ZNF672: variants seen among roughly 807,000 people sequenced by gnomAD.
ZNF672 encodes zinc finger protein 672, also known as hypothetical protein FLJ22301.
For missense variants in ZNF672, 733 were observed against 701.1 expected (o/e 1.05, Z -0.51); for synonymous variants, 358 against 305.6 (o/e 1.17, Z -1.79).
At position 248,847,294 on chromosome 1, in the gene ZNF672, C is replaced by T. The variant is rs369878226; in HGVS notation, c.20C>T (p.Ala7Val). Residue 7 changes from alanine (A) to valine (V), a missense_variant, in exon 4 of 4, where the codon GCA becomes GTA. Physicochemically the swap from Ala to Val is moderately conservative, Grantham distance 64. Transcript: ENST00000306562. ...CTCACCATGTTTGCCACATCTGGGGCAGTGGCAGCGGGGAAGCCTTACTCG... is the reference window on the plus strand; with the variant it reads ...CTCACCATGTTTGCCACATCTGGGGTAGTGGCAGCGGGGAAGCCTTACTCG... MFATSG[A>V]VAAGKPYSCS... 101 of 1,602,298 alleles carry T rather than the reference C, an allele frequency of 6.3e-5. No homozygotes were observed. The highest frequency in any genetic ancestry group is 8.2e-5 in the Non-Finnish European group (96 of 1,170,018).
Position 248,847,469 on chromosome 1 carries a change from T to C in ZNF672, c.195T>C (p.Ala65=). 1 of 1,595,058 alleles carries C rather than the reference T, an allele frequency of 6.3e-7. No homozygotes were observed. The highest frequency in any genetic ancestry group is 8.5e-7 in the Non-Finnish European group (1 of 1,171,028). ...ADLRAHRRTH[A]GQTLYICSEC... is the part of the protein sequence containing the mutation. ...TCCGAGCGCACAGGCGCACGCATGC[T>C]GGCCAGACCCTCTACATCTGCAGTG... Residue 65 remains alanine, a synonymous_variant, in exon 4 of 4, where the codon GCT becomes GCC. Transcript: ENST00000306562.
At position 248,848,777 on chromosome 1, in the gene ZNF672, C is replaced by T; in HGVS notation, c.*144C>T. 8.2e-7 allele frequency: 1 copy of T among 1,220,910 alleles called. No individual in the cohort carries two copies. Among genetic ancestry groups the T allele is most frequent in the South Asian group, 1.4e-5 (1 of 69,506 alleles). The allele number at this position is 1,220,910 out of a possible 1,614,324, so 75.6% of individuals were successfully genotyped here. On this transcript the variant is annotated 3_prime_UTR_variant, in exon 4 of 4. Transcript: ENST00000306562. ...ACCTTTCCAGTTTCTGTTGGCAGCCCTTCACGTAGCCTCCTGCCTCGCCTC... is the reference window on the plus strand; with the variant it reads ...ACCTTTCCAGTTTCTGTTGGCAGCCTTTCACGTAGCCTCCTGCCTCGCCTC...
At chr1:248,847,004 A>G (rs572280680) in intron 3 of ZNF672, 48 bp from the exon 4 acceptor site, 2 of 478,742 alleles carry the variant, frequency 4.2e-6, no homozygotes, top group Non-Finnish European at 7.6e-6. Flanking sequence ...TCCCCTCTCC[A>G]TTCCTTAGGA....
rs1446851561 is a variant in ZNF672, at chr1:248,847,476, A to T, written c.202A>T (p.Thr68Ser). 1.3e-6 allele frequency: 2 copies of T among 1,595,578 alleles called. No individual in the cohort carries two copies. Among genetic ancestry groups the T allele is most frequent in the Non-Finnish European group, 1.7e-6 (2 of 1,171,304 alleles). Reference protein sequence around the residue: ...RAHRRTHAGQTLYICSECGQS... With the variant: ...RAHRRTHAGQSLYICSECGQS... Reference sequence around the variant, plus strand: ...GCACAGGCGCACGCATGCTGGCCAGACCCTCTACATCTGCAGTGAGTGCGG... The same window carrying T: ...GCACAGGCGCACGCATGCTGGCCAGTCCCTCTACATCTGCAGTGAGTGCGG... Residue 68 changes from threonine to serine, a missense_variant, in exon 4 of 4, where the codon ACC (threonine) becomes TCC (serine). Physicochemically the swap from Thr to Ser is moderately conservative, Grantham distance 58 (BLOSUM62 1). Coordinates refer to ENST00000306562, the MANE Select transcript of ZNF672 (RefSeq NM_024836.3).
Position 248,849,137 on chromosome 1 carries a change from T to C in ZNF672, c.*504T>C, listed in dbSNP as rs746744320. The stretch of plus-strand genomic sequence containing the variant: ...TTGACTCTTGGTTCCCTGTTAACTC[T>C]GTTTCTGAGAAATGTGGGTATGGAG... On this transcript the variant is annotated 3_prime_UTR_variant, in exon 4 of 4. Transcript: ENST00000306562. 2 of 468,478 alleles carry C rather than the reference T, an allele frequency of 4.3e-6. No homozygotes were observed. The highest frequency in any genetic ancestry group is 4.0e-5 in the African/African-American group (2 of 49,832). 29.0% of individuals were successfully genotyped at this position (468,478 alleles called of 1,614,324 possible). A position where few individuals can be genotyped will look rare whatever the true frequency, so the allele number is the denominator to read the frequency against.
chr1:248,839,094 G>A (rs1234723549), intron 1 of ZNF672: 1 of 152,250 alleles, frequency 6.6e-6, no homozygotes, highest in Non-Finnish European at 1.5e-5. Flanking sequence ...TCCGCATTCG[G>A]CGAATAGTTG....
chr1:248,848,310 A>G lies in ZNF672; in HGVS notation c.1036A>G (p.Lys346Glu). ...EKPYRCELCGKRFTCVSNLNV... is the reference protein window; with the variant it reads ...EKPYRCELCGERFTCVSNLNV... ...GCCCTACCGCTGCGAACTGTGCGGC[A>G]AGCGGTTCACGTGCGTGTCCAATCT... Residue 346 changes from lysine (K) to glutamate (E), a missense_variant, in exon 4 of 4, where the codon AAG becomes GAG. Coordinates refer to ENST00000306562, the MANE Select transcript of ZNF672 (RefSeq NM_024836.3). 6.2e-7 allele frequency: 1 copy of G among 1,602,330 alleles called. No individual in the cohort carries two copies. The highest frequency in any genetic ancestry group is 1.1e-5 in the South Asian group (1 of 91,072).
In ZNF672 at chr1:248,847,238, T is replaced by C. The variant is rs369353928; in HGVS notation, c.-37T>C. Reference sequence around the variant, plus strand: ...CAGCGTCAGGAGGTGGACCCCAGAGTGTGAGTGGCACGCTTCCCTGTGAAC... The same window carrying C: ...CAGCGTCAGGAGGTGGACCCCAGAGCGTGAGTGGCACGCTTCCCTGTGAAC... On this transcript the variant is annotated 5_prime_UTR_variant, in exon 4 of 4. Coordinates refer to ENST00000306562, the MANE Select transcript of ZNF672 (RefSeq NM_024836.3). The C allele has an allele frequency of 1.8e-4, 290 of 1,579,602 alleles. No homozygotes were observed. In the African/African-American group the frequency reaches 2.7e-3, roughly 15 times the overall value.
At position 248,847,960 on chromosome 1, in the gene ZNF672, G is replaced by T; in HGVS notation, c.686G>T (p.Cys229Phe). Residue 229 changes from cysteine (C) to phenylalanine (F), a missense_variant, in exon 4 of 4, where the codon TGC becomes TTC. By Grantham distance (205) the Cys-to-Phe change is radical. Transcript: ENST00000306562. ...CACTCGGGGGAGAAACCCTTCAAGTGCCCGGAGTGCGGCAAGGGCTTCCTG... is the reference window on the plus strand; with the variant it reads ...CACTCGGGGGAGAAACCCTTCAAGTTCCCGGAGTGCGGCAAGGGCTTCCTG... The part of the protein sequence containing the change: ...QTHSGEKPFK[C>F]PECGKGFLES... The T allele has an allele frequency of 1.9e-6, 3 of 1,566,126 alleles. No individual in the cohort carries two copies. The highest frequency in any genetic ancestry group is 2.4e-5 in the East Asian group (1 of 42,156).
At position 248,849,158 on chromosome 1, in the gene ZNF672, T is replaced by C. The variant is rs1264578228; in HGVS notation, c.*525T>C. 1 of 456,276 alleles carries C rather than the reference T, an allele frequency of 2.2e-6. No individual in the cohort carries two copies. The highest frequency in any genetic ancestry group is 4.6e-6 in the Non-Finnish European group (1 of 219,304). 28.3% of individuals were successfully genotyped at this position (456,276 alleles called of 1,614,324 possible). A position where few individuals can be genotyped will look rare whatever the true frequency, so the allele number is the denominator to read the frequency against. On this transcript the variant is annotated 3_prime_UTR_variant, in exon 4 of 4. Coordinates refer to ENST00000306562, the MANE Select transcript of ZNF672 (RefSeq NM_024836.3). The stretch of plus-strand genomic sequence containing the variant: ...ACTCTGTTTCTGAGAAATGTGGGTA[T>C]GGAGGTGGGTGGGAAAGCTCACTTC...
rs1347039203 is a variant in ZNF672, at chr1:248,839,928, A to G, written c.-475+1377A>G. Among the ~76,000 whole-genome samples, 3 of 151,674 alleles carry G rather than the reference A, an allele frequency of 2.0e-5. No homozygotes were observed. In the East Asian group the frequency reaches 5.8e-4, roughly 29 times the overall value. On this transcript the variant is annotated intron_variant, in intron 1 of 3. Transcript: ENST00000306562. ...TGATTTTTGTATTTTTCGTAGAGAC[A>G]GGGTTTCACTGTGTTGGCCAGGCTG...
At chr1:248,841,645 G>A (rs952253907) in intron 1 of ZNF672, among the ~76,000 whole-genome samples, 4 of 152,166 alleles carry the variant, frequency 2.6e-5, no homozygotes, top group Admixed American at 6.5e-5. Flanking sequence ...ATTTGGGCTC[G>A]GCACGGTGGC....
At chr1:248,838,953 AGGCTCGGGGTT>A (rs1664623173) in intron 1 of ZNF672, 1 of 152,100 alleles carries the variant, frequency 6.6e-6, no homozygotes, top group African/African-American at 2.4e-5. Context: ...GGGCTAGGGT[AGGCTCGGGGTT>A]GGGAAGGGGC....
chr1:248,844,224 G>GT (rs1468507728), intron 1 of ZNF672, among the ~76,000 whole-genome samples: 3 of 152,018 alleles, frequency 2.0e-5, no homozygotes, highest in African/African-American at 4.8e-5. Context: ...TTTGTTTCGG[G>GT]TTTTTTTAGT....
In ZNF672 at chr1:248,847,983, C is replaced by T; in HGVS notation, c.709C>T (p.Leu237=). ...FKCPECGKGF[L]ESATLVRHQR... Reference sequence around the variant, plus strand: ...GTGCCCGGAGTGCGGCAAGGGCTTCCTGGAGAGCGCCACGCTGGTGCGCCA... The same window carrying T: ...GTGCCCGGAGTGCGGCAAGGGCTTCTTGGAGAGCGCCACGCTGGTGCGCCA... Residue 237 remains leucine (L), a synonymous_variant, in exon 4 of 4, where the codon CTG becomes TTG. Transcript: ENST00000306562. The T allele has an allele frequency of 6.4e-7, 1 of 1,558,454 alleles. No individual in the cohort carries two copies. The highest frequency in any genetic ancestry group is 8.7e-7 in the Non-Finnish European group (1 of 1,152,834).
Position 248,848,587 on chromosome 1 carries a change from T to C in ZNF672, c.1313T>C (p.Phe438Ser), listed in dbSNP as rs1479657561. Reference sequence around the variant, plus strand: ...TCCGCAGTGGGCACTGCCCTCGTCTTTGAGGGGCCGGCTGAACAGGAAAAG... The same window carrying C: ...TCCGCAGTGGGCACTGCCCTCGTCTCTGAGGGGCCGGCTGAACAGGAAAAG... ...IQSAVGTALV[F>S]EGPAEQEKPG... Residue 438 changes from phenylalanine (F) to serine (S), a missense_variant, in exon 4 of 4, where the codon TTT becomes TCT. Physicochemically the swap from Phe to Ser is radical, Grantham distance 155. Coordinates refer to ENST00000306562, the MANE Select transcript of ZNF672 (RefSeq NM_024836.3). 1 of 1,591,212 alleles carries C rather than the reference T, an allele frequency of 6.3e-7. No individual in the cohort carries two copies. The highest frequency in any genetic ancestry group is 8.6e-7 in the Non-Finnish European group (1 of 1,165,650).
At position 248,849,210 on chromosome 1, in the gene ZNF672, C is replaced by CT. The variant is rs1659288587; in HGVS notation, c.*578dup. The CT allele has an allele frequency of 2.7e-5, 11 of 410,386 alleles. No individual in the cohort carries two copies. Among genetic ancestry groups the CT allele is most frequent in the Non-Finnish European group, 5.5e-5 (11 of 200,020 alleles). 25.4% of individuals were successfully genotyped at this position (410,386 alleles called of 1,614,324 possible). A position where few individuals can be genotyped will look rare whatever the true frequency, so the allele number is the denominator to read the frequency against. On this transcript the variant is annotated 3_prime_UTR_variant, in exon 4 of 4. Transcript: ENST00000306562. ...ATGAAGGATGTCTCCATGCTAGGAG[C>CT]TGCCTGCACCCTGGCAGAGGTGGCC...
In ZNF672 at chr1:248,847,779, C is replaced by T. The variant is rs1426122590; in HGVS notation, c.505C>T (p.Pro169Ser). 4 of 1,532,656 alleles carry T rather than the reference C, an allele frequency of 2.6e-6. No individual in the cohort carries two copies. The highest frequency in any genetic ancestry group is 3.5e-6 in the Non-Finnish European group (4 of 1,142,142). 94.9% of individuals were successfully genotyped at this position (1,532,656 alleles called of 1,614,324 possible). Residue 169 changes from proline to serine, a missense_variant, in exon 4 of 4, where the codon CCG (proline) becomes TCG (serine). Transcript: ENST00000306562. ...CCCACCCCACCGCTGCGCGCAGTGCCCGCGAGCCTTCCGAAGCGGCGCCGG... is the reference window on the plus strand; with the variant it reads ...CCCACCCCACCGCTGCGCGCAGTGCTCGCGAGCCTTCCGAAGCGGCGCCGG... ...AAPPHRCAQCPRAFRSGAGLR... is the reference protein window; with the variant it reads ...AAPPHRCAQCSRAFRSGAGLR...
intron 1 of ZNF672, among the ~76,000 whole-genome samples, chr1:248,839,829 C>T (rs1375177887): frequency 6.7e-6 from 1 of 149,094 alleles, no homozygotes; most frequent in Non-Finnish European, 1.5e-5. Context: ...ACCTCCGCCT[C>T]CTGGCCTCAA....
Sources: allele counts gnomAD v4.1 joint callset (sites outside exome capture counted in the v4.1 genomes callset), GRCh38; gene constraint gnomAD v4.1.1; transcripts MANE v1.5; gene names NCBI Gene and HGNC (gene_info 2026-07-23, HGNC 2026-07-21).